AK5: variants seen among roughly 807,000 people sequenced by gnomAD.
AK5 encodes adenylate kinase 5, also known as adenylate kinase isoenzyme 5.
AK5 carries 27 observed loss-of-function variants against 69.5 expected under a neutral mutation model. The ratio of observed to expected loss-of-function variants is 0.39; its 90% CI spans 0.29 to 0.54. The LOEUF is 0.54. Ranked by LOEUF, AK5 falls within the 20% of genes least tolerant of loss-of-function variation. AK5 has a pLI of 0.71. For synonymous variants in AK5, 260 were observed against 244.4 expected, an observed-to-expected ratio of 1.06 and a Z score of -0.60; for missense variants, 531 against 700.4, an observed-to-expected ratio of 0.76 and a Z score of 2.73.
At chr1:77,465,641 A>T (rs1654096110) in intron 8 of AK5, among the ~76,000 whole-genome samples, 3 of 152,198 alleles carry the variant, frequency 2.0e-5, no homozygotes, top group Admixed American at 6.5e-5. Context: ...ACCGATGCTT[A>T]AACAGAATTC....
intron 7 of AK5, 25 bp downstream of exon 7, chr1:77,411,096 A>G (rs747903041): frequency 4.4e-6 from 7 of 1,598,648 alleles, no homozygotes; most frequent in East Asian, 2.2e-5. Flanking sequence ...CCTTTAGACA[A>G]CAGTACGCCG....
chr1:77,381,327 C>G (rs1426751323), intron 6 of AK5, among the ~76,000 whole-genome samples: 1 of 152,158 alleles, frequency 6.6e-6, no homozygotes, highest in African/African-American at 2.4e-5. Flanking sequence ...GACTTCTCCT[C>G]CACCAGAACT....
chr1:77,348,483 CA>C (rs1418566597), intron 6 of AK5, among the ~76,000 whole-genome samples: 2 of 151,528 alleles, frequency 1.3e-5, no homozygotes, highest in East Asian at 3.9e-4. Flanking sequence ...ATGTTGTGCA[CA>C]TGTACCCTAA....
intron 8 of AK5, among the ~76,000 whole-genome samples, chr1:77,459,108 T>A (rs1351731666): frequency 6.6e-6 from 1 of 152,122 alleles, no homozygotes; most frequent in Non-Finnish European, 1.5e-5. Flanking sequence ...GGGGCCTTTG[T>A]CTTCCACATG....
intron 5 of AK5, among the ~76,000 whole-genome samples, chr1:77,319,437 C>T (rs1434708895): frequency 6.6e-6 from 1 of 152,156 alleles, no homozygotes; most frequent in Non-Finnish European, 1.5e-5. Flanking sequence ...ACTCTTTTAT[C>T]TACTTTTTGT....
intron 6 of AK5, among the ~76,000 whole-genome samples, chr1:77,368,246 T>TATAATATATATGTTATATATATG (rs1647045315): frequency 2.1e-4 from 1 of 4,838 alleles, no homozygotes; most frequent in African/African-American, 3.5e-4. Context: ...TATATATATA[T>TATAATATATATGTTATATATATG]ATATATAATA....
At chr1:77,461,626 G>A (rs973032758) in intron 8 of AK5, among the ~76,000 whole-genome samples, 2 of 151,578 alleles carry the variant, frequency 1.3e-5, no homozygotes, top group Admixed American at 6.6e-5. Flanking sequence ...AAAAATTAGC[G>A]GGGCATGGTG....
intron 6 of AK5, among the ~76,000 whole-genome samples, chr1:77,380,676 T>A (rs150980540): frequency 6.0e-4 from 91 of 152,328 alleles, no homozygotes; most frequent in African/African-American, 2.1e-3. Context: ...AAGGAAAGTA[T>A]AGGCTAGTGT....
intron 6 of AK5, among the ~76,000 whole-genome samples, chr1:77,347,114 G>C (rs1661956748): frequency 6.6e-6 from 1 of 152,100 alleles, no homozygotes; most frequent in African/African-American, 2.4e-5. Context: ...AGTTTTTAAA[G>C]GTTAATAGGA....
intron 8 of AK5, among the ~76,000 whole-genome samples, chr1:77,424,482 A>T (rs1163669616): frequency 1.3e-5 from 2 of 152,160 alleles, no homozygotes; most frequent in Non-Finnish European, 2.9e-5. Flanking sequence ...GGAATTTTTT[A>T]AAACTATGAT....
intron 13 of AK5, among the ~76,000 whole-genome samples, chr1:77,538,365 A>C (rs1357064389): frequency 3.3e-5 from 5 of 151,326 alleles, no homozygotes; most frequent in East Asian, 1.9e-4. Context: ...AACAACAAAA[A>C]AAAAAAACAT....
At chr1:77,388,410 C>A (rs1284290251) in intron 6 of AK5, among the ~76,000 whole-genome samples, 2 of 152,188 alleles carry the variant, frequency 1.3e-5, no homozygotes, top group Non-Finnish European at 2.9e-5. Context: ...ATTTAGAGAA[C>A]AAATTAATAG....
chr1:77,383,124 T>G (rs1647764595), intron 6 of AK5, among the ~76,000 whole-genome samples: 1 of 152,222 alleles, frequency 6.6e-6, no homozygotes, highest in African/African-American at 2.4e-5. Context: ...TTTGAATAGA[T>G]TGCTTTAAAA....
intron 5 of AK5, among the ~76,000 whole-genome samples, chr1:77,310,719 C>T (rs1293258486): frequency 2.0e-5 from 3 of 151,972 alleles, no homozygotes; most frequent in African/African-American, 7.3e-5. Context: ...TACATTTATT[C>T]TTCTTTATAA....
At chr1:77,446,123 A>G in intron 8 of AK5, among the ~76,000 whole-genome samples, 1 of 152,208 alleles carries the variant, frequency 6.6e-6, no homozygotes, top group Non-Finnish European at 1.5e-5. Context: ...ATAAAATAAG[A>G]GTCCAATTTC....
At chr1:77,340,349 CCT>C in intron 5 of AK5, 26 bp from the exon 6 acceptor site, 1 of 1,594,382 alleles carries the variant, frequency 6.3e-7, no homozygotes, top group Non-Finnish European at 8.6e-7. Flanking sequence ...ATGTTGAATG[CCT>C]CTCTATTTGT....
chr1:77,499,870 A>G (rs2647511), intron 10 of AK5, among the ~76,000 whole-genome samples: 1 of 50,452 alleles, frequency 2.0e-5, no homozygotes, highest in African/African-American at 1.1e-4. Context: ...CCCTTTTTCC[A>G]TTTTTTTTTT....
intron 6 of AK5, among the ~76,000 whole-genome samples, chr1:77,401,885 G>A (rs968060390): frequency 1.3e-5 from 2 of 152,060 alleles, no homozygotes; most frequent in East Asian, 1.9e-4. Flanking sequence ...AATGAACTAG[G>A]GAATTTGGTG....
At chr1:77,285,827 CAGTT>C (rs1393672008) in intron 1 of AK5, among the ~76,000 whole-genome samples, 6 of 151,770 alleles carry the variant, frequency 4.0e-5, no homozygotes, top group African/African-American at 1.5e-4. Flanking sequence ...TTTTGAGTCT[CAGTT>C]AGACTTGAGC....
Sources: gnomAD v4.1 joint callset for allele counts (sites outside exome capture counted in the v4.1 genomes callset) on GRCh38, gnomAD v4.1.1 for gene constraint, MANE v1.5 for transcripts, NCBI Gene and HGNC (gene_info 2026-07-23, HGNC 2026-07-21) for gene names.